MEIG1: variants seen among roughly 807,000 people sequenced by gnomAD.
MEIG1 encodes meiosis/spermiogenesis associated 1.
MEIG1 carries 12 observed loss-of-function variants against 11.3 expected under a neutral mutation model. The observed-to-expected ratio is 1.07, with a 90% CI of 0.68 to 1.73. The LOEUF (loss-of-function observed/expected upper bound fraction) is 1.73. Ranked by LOEUF, MEIG1 falls within the 40% of genes most tolerant of loss-of-function variation. MEIG1 has a pLI of 0.00. For missense variants in MEIG1, 119 were observed against 104.9 expected, an observed-to-expected ratio of 1.13 and a Z score of -0.59; for synonymous variants, 41 against 33.2, an observed-to-expected ratio of 1.24 and a Z score of -0.81.
intron 2 of MEIG1, among the ~76,000 whole-genome samples, chr10:14,970,074 G>T (rs765274880): frequency 6.6e-6 from 1 of 152,192 alleles, no homozygotes; most frequent in East Asian, 1.9e-4. Context: ...GGTCTTCAGG[G>T]ACGGATAGGA....
At chr10:14,965,451 C>T (rs2131265912) in intron 1 of MEIG1, among the ~76,000 whole-genome samples, 1 of 152,222 alleles carries the variant, frequency 6.6e-6, no homozygotes, top group South Asian at 2.1e-4. Context: ...GTTTTTAAAT[C>T]CATGGTCTCA....
At chr10:14,967,055 G>A (rs1176434417) in intron 2 of MEIG1, among the ~76,000 whole-genome samples, 2 of 152,006 alleles carry the variant, frequency 1.3e-5, no homozygotes, top group Non-Finnish European at 2.9e-5. Context: ...TCTTATTAAC[G>A]GGGAGAGGCC....
intron 1 of MEIG1, among the ~76,000 whole-genome samples, chr10:14,965,534 CA>C (rs1329913638): frequency 6.6e-6 from 1 of 152,144 alleles, no homozygotes; most frequent in Non-Finnish European, 1.5e-5. Context: ...ATCAAAAGAT[CA>C]GGTACTACAG....
At position 14,966,423 on chromosome 10, in the gene MEIG1, G is replaced by A; in HGVS notation, c.-29-17G>A. 6.5e-7 allele frequency: 1 copy of A among 1,544,920 alleles called. No individual in the cohort carries two copies. Among genetic ancestry groups the A allele is most frequent in the Non-Finnish European group, 8.7e-7 (1 of 1,144,416 alleles). On this transcript the variant is annotated splice_polypyrimidine_tract_variant and intron_variant, in intron 1 of 2. Transcript: ENST00000407572. ...CACTATTACATTATCCATTAATGTT[G>A]TTTTAACATCTTTCAGATATTATTG...
At chr10:14,962,095 A>G (rs554551180) in intron 1 of MEIG1, among the ~76,000 whole-genome samples, 1 of 152,220 alleles carries the variant, frequency 6.6e-6, no homozygotes, top group Non-Finnish European at 1.5e-5. Context: ...GAGCCGCTGC[A>G]TCCAGCCATT....
At chr10:14,955,854 T>C (rs1175265401), upstream of MEIG1, among the ~76,000 whole-genome samples, 1 of 152,184 alleles carries the variant, frequency 6.6e-6, no homozygotes, top group East Asian at 1.9e-4. Flanking sequence ...TAATCACTAA[T>C]TGAGGTAAAA....
rs11816575 is a variant in MEIG1 at position 14,972,258 on chromosome 10, A to C, written c.139-255A>C. Among the ~76,000 whole-genome samples, 585 of 152,148 alleles carry C rather than the reference A, an allele frequency of 3.8e-3. 4 individuals are homozygous for C. The highest frequency in any genetic ancestry group is 0.014 in the African/African-American group (563 of 41,494). On this transcript the variant is annotated intron_variant, in intron 2 of 2. Transcript: ENST00000407572. Reference sequence around the variant, plus strand: ...TTGAACTCCTGACCTCAATTGATCCACCTGCCTCAGCCTCCCAGAGTGCTG... The same window carrying C: ...TTGAACTCCTGACCTCAATTGATCCCCCTGCCTCAGCCTCCCAGAGTGCTG...
chr10:14,968,470 AAAGCGAAACCCC>A (rs1372119882), intron 2 of MEIG1, among the ~76,000 whole-genome samples: 1 of 152,170 alleles, frequency 6.6e-6, no homozygotes, highest in African/African-American at 2.4e-5. Flanking sequence ...CCTGGGCAAC[AAAGCGAAACCCC>A]ATCTCAAATA....
At chr10:14,979,036 T>C (rs4282895) in intron 1 of MEIG1, among the ~76,000 whole-genome samples, 55,736 of 151,822 alleles carry the variant, frequency 0.37, 13,561 homozygotes, top group African/African-American at 0.7. Context: ...AATATCCTGG[T>C]GGGATGTTAC....
chr10:14,972,099 C>A (rs1434780510), intron 2 of MEIG1, among the ~76,000 whole-genome samples: 1 of 151,986 alleles, frequency 6.6e-6, no homozygotes, highest in East Asian at 1.9e-4. Context: ...ACTGCAACCC[C>A]TGCCTCCAGA....
intron 1 of MEIG1, among the ~76,000 whole-genome samples, chr10:14,979,772 C>T (rs184803473): frequency 5.7e-4 from 86 of 151,926 alleles, no homozygotes; most frequent in African/African-American, 1.8e-3. Flanking sequence ...TTAAAAATCA[C>T]AGTGGGTGTG....
chr10:14,982,413 G>C (rs989351287), intron 1 of MEIG1, among the ~76,000 whole-genome samples: 1 of 152,124 alleles, frequency 6.6e-6, no homozygotes, highest in Non-Finnish European at 1.5e-5. Flanking sequence ...AGGACTCTTT[G>C]CCTTTCATCT....
downstream of MEIG1, among the ~76,000 whole-genome samples, chr10:14,977,215 G>C (rs1340943169): frequency 6.6e-6 from 1 of 151,934 alleles, no homozygotes; most frequent in East Asian, 1.9e-4. Context: ...ATAACACCCT[G>C]TGACACTATT....
At chr10:14,966,715 C>T (rs932393307) in intron 2 of MEIG1, 109 bp downstream of exon 2, 117 of 989,048 alleles carry the variant, frequency 1.2e-4, no homozygotes, top group Non-Finnish European at 1.7e-4. Flanking sequence ...CTCCAACTCT[C>T]TCATTTTATT....
rs1843086592 is a variant in MEIG1 at position 14,966,563 on chromosome 10, A to G, written c.95A>G (p.Tyr32Cys). 1 of 1,612,448 alleles carries G rather than the reference A, an allele frequency of 6.2e-7. No homozygotes were observed. Among genetic ancestry groups the G allele is most frequent in the Non-Finnish European group, 8.5e-7 (1 of 1,179,502 alleles). Residue 32 changes from tyrosine to cysteine, a missense_variant, in exon 2 of 3, where the codon TAT becomes TGT. Physicochemically the swap from Tyr to Cys is radical, Grantham distance 194 (BLOSUM62 -2). Coordinates refer to ENST00000407572, the MANE Select transcript of MEIG1 (RefSeq NM_001080836.3). ...ENLYRFQQAG[Y>C]RDETEYRQVK... Reference sequence around the variant, plus strand: ...CTGTACAGATTTCAACAAGCAGGATATCGGGATGAAACCGAATATAGACAA... The same window carrying G: ...CTGTACAGATTTCAACAAGCAGGATGTCGGGATGAAACCGAATATAGACAA...
intron 1 of MEIG1, among the ~76,000 whole-genome samples, chr10:14,980,757 C>T (rs918598521): frequency 6.6e-6 from 1 of 152,144 alleles, no homozygotes; most frequent in Non-Finnish European, 1.5e-5. Context: ...TTGGGGAAGA[C>T]CGGTCCAAGT....
chr10:14,961,060 C>T (rs529420563), intron 1 of MEIG1, among the ~76,000 whole-genome samples: 6 of 152,194 alleles, frequency 3.9e-5, no homozygotes, highest in African/African-American at 1.4e-4. Flanking sequence ...AATAAAATAA[C>T]ATGCTCCTCA....
At chr10:14,985,211 G>A (rs141703785) in intron 1 of MEIG1, among the ~76,000 whole-genome samples, 171 of 151,790 alleles carry the variant, frequency 1.1e-3, no homozygotes, top group African/African-American at 4.0e-3. Context: ...GTACATCCTG[G>A]GATGTTATTC....
At chr10:14,981,924 T>G (rs1054931203) in intron 1 of MEIG1, among the ~76,000 whole-genome samples, 17 of 152,084 alleles carry the variant, frequency 1.1e-4, no homozygotes, top group Non-Finnish European at 2.4e-4. Context: ...TGACCTCCAT[T>G]CTCTTTGCGC....
Sources: gnomAD v4.1 joint callset for allele counts (sites outside exome capture counted in the v4.1 genomes callset) on GRCh38, gnomAD v4.1.1 for gene constraint, MANE v1.5 for transcripts, NCBI Gene and HGNC (gene_info 2026-07-23, HGNC 2026-07-21) for gene names.